Variants in PIAS4 observed in about 807,000 individuals in gnomAD.
PIAS4 encodes the protein E3 SUMO-protein ligase PIAS4.
Under a neutral mutation model 58.0 loss-of-function variants are expected in PIAS4, and 7 were observed. The observed-to-expected ratio is 0.12, with a 90% CI of 0.07 to 0.23. PIAS4 has a LOEUF of 0.23. Ranked by LOEUF, PIAS4 falls within the 10% of genes least tolerant of loss-of-function variation. The probability of loss-of-function intolerance (pLI) is 1.00; values close to 1 mark genes in which losing one functional copy is unlikely to be tolerated. For synonymous variants in PIAS4, 364 were observed against 312.4 expected, an observed-to-expected ratio of 1.17 and a Z score of -1.74; for missense variants, 550 against 709.5, an observed-to-expected ratio of 0.78 and a Z score of 2.55.
chr19:4,024,829 G>A (rs1044719997), intron 3 of PIAS4, among the ~76,000 whole-genome samples: 12 of 151,926 alleles, frequency 7.9e-5, no homozygotes, highest in South Asian at 2.1e-4. Context: ...GCAGTGGCGC[G>A]ATTTTGGCTT....
intron 9 of PIAS4, among the ~76,000 whole-genome samples, chr19:4,033,982 G>A (rs755035655): frequency 1.3e-5 from 2 of 151,006 alleles, no homozygotes; most frequent in Non-Finnish European, 2.9e-5. Context: ...AGGAGGTGGC[G>A]CCTCCTGGAG....
chr19:4,008,198 G>A (rs748410601), intron 1 of PIAS4, among the ~76,000 whole-genome samples: 2 of 152,156 alleles, frequency 1.3e-5, no homozygotes, highest in Admixed American at 6.5e-5. Flanking sequence ...TGGTGTGTTG[G>A]GGGGAGTGTC....
intron 2 of PIAS4, among the ~76,000 whole-genome samples, chr19:4,015,027 T>C (rs1422208497): frequency 6.6e-6 from 1 of 152,206 alleles, no homozygotes; most frequent in African/African-American, 2.4e-5. Flanking sequence ...CTCCACCTTT[T>C]TTCTCTTGCA....
intron 9 of PIAS4, among the ~76,000 whole-genome samples, chr19:4,033,836 C>T (rs750746152): frequency 3.9e-5 from 6 of 152,232 alleles, no homozygotes; most frequent in Non-Finnish European, 7.3e-5. Context: ...CCCGCTCCCA[C>T]GTGACCTCAG....
Position 4,031,815 on chromosome 19 carries a change from C to T in PIAS4, c.908-1285C>T, listed in dbSNP as rs953215700. Among the ~76,000 whole-genome samples the T allele has an allele frequency of 2.0e-5, 3 of 152,226 alleles. No homozygotes were observed. In the South Asian group the frequency reaches 6.2e-4, roughly 32 times the overall value. ...TGCCTCACTTGAACCCTTCCTGCTG[C>T]GCACGTCTCTCCATACACAAAGGAG... On this transcript the variant is annotated intron_variant, in intron 7 of 10. Coordinates refer to ENST00000262971, the MANE Select transcript of PIAS4 (RefSeq NM_015897.4).
At chr19:4,028,894 C>G in intron 6 of PIAS4, 37 bp from the exon 7 acceptor site, 1 of 1,612,068 alleles carries the variant, frequency 6.2e-7, no homozygotes. Context: ...ACCCCGGCCC[C>G]GTCCTGCCAG....
Position 4,037,322 on chromosome 19 carries a change from TGGG to T in PIAS4, c.1143-47_1143-45del. The T allele has an allele frequency of 3.1e-6, 3 of 967,794 alleles. No homozygotes were observed. In the East Asian group the frequency reaches 1.2e-4, roughly 40 times the overall value. The allele number at this position is 967,794 out of a possible 1,614,324, so 60.0% of individuals were successfully genotyped here. A position where few individuals can be genotyped will look rare whatever the true frequency, so the allele number is the denominator to read the frequency against. On this transcript the variant is annotated intron_variant, in intron 9 of 10. Transcript: ENST00000262971. The surrounding 1 kb of genome is among the most constrained non-coding windows in gnomAD (Gnocchi z 5.8). The stretch of plus-strand genomic sequence containing the variant: ...CGGGAGGGATGGAGGGCTGGGGAGT[TGGG>T]GGGGTGGGGCACCTCCAGCCCCGGC...
intron 2 of PIAS4, among the ~76,000 whole-genome samples, chr19:4,021,263 C>T (rs1318712179): frequency 6.6e-6 from 1 of 152,186 alleles, no homozygotes. Context: ...AGCGATTCTC[C>T]TCAGCCTCCC....
intron 2 of PIAS4, among the ~76,000 whole-genome samples, chr19:4,014,066 C>T (rs992596013): frequency 6.6e-6 from 1 of 152,138 alleles, no homozygotes; most frequent in East Asian, 1.9e-4. Context: ...ATCCTTCCCC[C>T]GGGCTCTGGT....
At chr19:4,009,843 G>A (rs2039976157) in intron 1 of PIAS4, among the ~76,000 whole-genome samples, 1 of 152,160 alleles carries the variant, frequency 6.6e-6, no homozygotes, top group Non-Finnish European at 1.5e-5. Context: ...TGAAATCTGA[G>A]ACTCTCAGCT....
At position 4,021,037 on chromosome 19, in the gene PIAS4, T is replaced by A. The variant is rs78204483; in HGVS notation, c.455-2999T>A. ...TTCCCAGAGTGATGGTACTGTCTTA[T>A]AACCCCACCAGCAGAGAGTTCTGAT... On this transcript the variant is annotated intron_variant, in intron 2 of 10. Transcript: ENST00000262971. 6.6e-3 allele frequency among the ~76,000 whole-genome samples: 1,002 copies of A among 152,358 alleles called. 12 individuals are homozygous for A. The highest frequency in any genetic ancestry group is 0.02 in the African/African-American group (826 of 41,572).
rs749894576 is a variant in PIAS4, at chr19:4,037,392, G to A, written c.1161G>A (p.Leu387=). Residue 387 remains leucine (L), a synonymous_variant, in exon 10 of 11, where the codon CTG becomes CTA. Coordinates refer to ENST00000262971, the MANE Select transcript of PIAS4 (RefSeq NM_015897.4). The surrounding 1 kb of genome is among the most constrained non-coding windows in gnomAD (Gnocchi z 5.8). ...LIIDGLLSKI[L]SECEDADEIE... ...GCCCCAGGCTCCTCTCGAAGATCCTGAGCGAGTGTGAGGACGCCGACGAGA... is the reference window on the plus strand; with the variant it reads ...GCCCCAGGCTCCTCTCGAAGATCCTAAGCGAGTGTGAGGACGCCGACGAGA... The A allele has an allele frequency of 6.2e-7, 1 of 1,609,286 alleles. No individual in the cohort carries two copies. The highest frequency in any genetic ancestry group is 1.3e-5 in the African/African-American group (1 of 74,844).
At chr19:4,020,504 C>T (rs910389200) in intron 2 of PIAS4, among the ~76,000 whole-genome samples, 7 of 152,240 alleles carry the variant, frequency 4.6e-5, no homozygotes, top group Admixed American at 1.3e-4. Context: ...CGCTCCCCCA[C>T]GCTCTTCCGA....
rs183679468 is a variant in PIAS4 at position 4,015,590 on chromosome 19, T to C, written c.454+2241T>C. Among the ~76,000 whole-genome samples the C allele has an allele frequency of 4.4e-3, 670 of 152,276 alleles. 3 individuals are homozygous for C. Among genetic ancestry groups the C allele is most frequent in the Admixed American group, 6.7e-3 (102 of 15,286 alleles). ...CGGTCCTCAGAAGTTTCCTGGAGCA[T>C]AGCCCCTGGCCCCGAAGCAGTGGTC... On this transcript the variant is annotated intron_variant, in intron 2 of 10. Transcript: ENST00000262971.
At chr19:4,014,247 CTG>C (rs1177916762) in intron 2 of PIAS4, among the ~76,000 whole-genome samples, 2 of 152,186 alleles carry the variant, frequency 1.3e-5, no homozygotes, top group Non-Finnish European at 2.9e-5. Context: ...TGAGCAGGAA[CTG>C]TGTGTCAGGA....
intron 3 of PIAS4, among the ~76,000 whole-genome samples, chr19:4,027,486 G>T (rs758571224): frequency 6.6e-6 from 1 of 152,178 alleles, no homozygotes; most frequent in African/African-American, 2.4e-5. Flanking sequence ...ATCCACGGAT[G>T]CGTCTTTGGG....
intron 3 of PIAS4, 99 bp from the exon 4 acceptor site, chr19:4,028,047 C>T (rs1568217885): frequency 1.8e-6 from 2 of 1,133,814 alleles, no homozygotes; most frequent in Admixed American, 3.4e-5. Context: ...GGGAGGGAGC[C>T]TTGTGGTGTG....
rs935648504 is a variant in PIAS4 at position 4,038,164 on chromosome 19, C to A, written c.*289C>A. The A allele has an allele frequency of 2.7e-6, 1 of 370,506 alleles. No individual in the cohort carries two copies. The highest frequency in any genetic ancestry group is 4.8e-5 in the Admixed American group (1 of 20,946). 23.0% of individuals were successfully genotyped at this position (370,506 alleles called of 1,614,324 possible). A position where few individuals can be genotyped will look rare whatever the true frequency, so the allele number is the denominator to read the frequency against. Reference sequence around the variant, plus strand: ...CACAGCCGCCTCCCCGGCTGGAGTCCGAGCCGGGAAGGGGTAGTGGGCGGG... The same window carrying A: ...CACAGCCGCCTCCCCGGCTGGAGTCAGAGCCGGGAAGGGGTAGTGGGCGGG... On this transcript the variant is annotated 3_prime_UTR_variant, in exon 11 of 11. Coordinates refer to ENST00000262971, the MANE Select transcript of PIAS4 (RefSeq NM_015897.4). The surrounding 1 kb of genome is among the most constrained non-coding windows in gnomAD (Gnocchi z 4.1).
chr19:4,031,058 G>T (rs1008249396), intron 7 of PIAS4, among the ~76,000 whole-genome samples: 3 of 152,176 alleles, frequency 2.0e-5, no homozygotes, highest in African/African-American at 7.2e-5. Context: ...CCCCTTGGCA[G>T]AATGTGGGCC....
Sources: allele counts gnomAD v4.1 joint callset (sites outside exome capture counted in the v4.1 genomes callset), GRCh38; gene constraint gnomAD v4.1.1; non-coding constraint Gnocchi (gnomAD v3.1); transcripts MANE v1.5; gene names NCBI Gene and HGNC (gene_info 2026-07-23, HGNC 2026-07-21).